Variants in GRID2 observed in about 807,000 individuals in gnomAD.
GRID2 encodes the protein glutamate ionotropic receptor delta type subunit 2, also known as glutamate receptor ionotropic, delta-2.
Under a neutral mutation model 114.8 loss-of-function variants are expected in GRID2, and 33 were observed. That is an observed-to-expected ratio of 0.29 (90% confidence interval 0.22 to 0.38). GRID2 has a LOEUF of 0.38. Among genes scored for constraint, GRID2 ranks in the 10% least tolerant of loss-of-function variants. The pLI, the probability that GRID2 is intolerant of heterozygous loss-of-function variation, is 1.00. For synonymous variants in GRID2, 505 were observed against 449.9 expected (o/e 1.12, Z -1.55); for missense variants, 1,184 against 1,257.7 (o/e 0.94, Z 0.89).
intron 2 of GRID2, among the ~76,000 whole-genome samples, chr4:92,919,178 C>A (rs1028429528): frequency 2.6e-5 from 4 of 152,070 alleles, no homozygotes; most frequent in Non-Finnish European, 5.9e-5. Context: ...GTTTGTATTT[C>A]TTTGGGATCA....
intron 8 of GRID2, among the ~76,000 whole-genome samples, chr4:93,306,636 A>C (rs2149177968): frequency 6.6e-6 from 1 of 152,302 alleles, no homozygotes; most frequent in Non-Finnish European, 1.5e-5. Context: ...TTTTAAAAAT[A>C]GCTGTTCCAC....
intron 8 of GRID2, among the ~76,000 whole-genome samples, chr4:93,387,789 C>T (rs1764469246): frequency 6.8e-6 from 1 of 147,722 alleles, no homozygotes; most frequent in African/African-American, 2.5e-5. Flanking sequence ...GAGATAATGC[C>T]ACTGCACTCC....
At chr4:93,290,495 T>C (rs1030070510) in intron 8 of GRID2, among the ~76,000 whole-genome samples, 1 of 152,216 alleles carries the variant, frequency 6.6e-6, no homozygotes, top group African/African-American at 2.4e-5. Context: ...CATCAAGTGA[T>C]TTATTTTTCA....
At chr4:92,716,303 T>C (rs1442970275) in intron 2 of GRID2, among the ~76,000 whole-genome samples, 1 of 152,196 alleles carries the variant, frequency 6.6e-6, no homozygotes, top group Non-Finnish European at 1.5e-5. Flanking sequence ...GCCAATTTCC[T>C]CAGTGAAAAG....
chr4:93,660,849 G>A (rs189845766), intron 14 of GRID2, among the ~76,000 whole-genome samples: 2 of 152,206 alleles, frequency 1.3e-5, no homozygotes, highest in African/African-American at 4.8e-5. Context: ...GACAGGCCCA[G>A]ATGGATCCTG....
At chr4:92,369,311 A>G (rs1416951353) in intron 1 of GRID2, among the ~76,000 whole-genome samples, 2 of 152,156 alleles carry the variant, frequency 1.3e-5, no homozygotes, top group East Asian at 1.9e-4. Flanking sequence ...TCCTAACTTT[A>G]ATAAAGTGTT....
At chr4:93,291,470 A>G (rs1753751870) in intron 8 of GRID2, among the ~76,000 whole-genome samples, 1 of 152,222 alleles carries the variant, frequency 6.6e-6, no homozygotes, top group East Asian at 1.9e-4. Flanking sequence ...TGTCTGACGT[A>G]TAGTAAACAC....
chr4:92,702,568 C>A (rs890961221), intron 2 of GRID2: 2 of 152,076 alleles, frequency 1.3e-5, no homozygotes, highest in African/African-American at 4.8e-5. Context: ...ATTGCTCCAA[C>A]CCTAGCCCTT....
intron 2 of GRID2, among the ~76,000 whole-genome samples, chr4:92,660,410 G>A (rs1424988827): frequency 1.3e-5 from 2 of 151,190 alleles, no homozygotes; most frequent in African/African-American, 4.8e-5. Flanking sequence ...CTAAGAGAAG[G>A]TTCAAGTTTG....
Position 92,958,794 on chromosome 4 carries a change from G to A in GRID2, c.245-126201G>A, listed in dbSNP as rs184931558. 1.0e-3 allele frequency among the ~76,000 whole-genome samples: 152 copies of A among 152,062 alleles called. 1 individual carries two copies. The highest frequency in any genetic ancestry group is 1.4e-3 in the Admixed American group (22 of 15,260). On this transcript the variant is annotated intron_variant, in intron 2 of 15. Coordinates refer to ENST00000282020, the MANE Select transcript of GRID2 (RefSeq NM_001510.4). ...GTAGAATTCATGAGTGAACCCATCT[G>A]GGCCTTGTACTTTCTGTTTGGAAAG... is the stretch of plus-strand genomic sequence containing the variant.
chr4:92,427,935 T>C (rs140569484), intron 1 of GRID2, among the ~76,000 whole-genome samples: 156 of 152,294 alleles, frequency 1.0e-3, no homozygotes, highest in African/African-American at 3.7e-3. Context: ...ATTAGAATTA[T>C]TTTGTTTTCA....
chr4:93,312,327 G>A (rs941992631), intron 8 of GRID2, among the ~76,000 whole-genome samples: 31 of 152,102 alleles, frequency 2.0e-4, no homozygotes, highest in African/African-American at 5.8e-4. Flanking sequence ...GAAGAGTTAC[G>A]CTGCCTTCTA....
intron 2 of GRID2, among the ~76,000 whole-genome samples, chr4:92,882,705 A>G (rs1467435804): frequency 6.6e-6 from 1 of 152,208 alleles, no homozygotes; most frequent in Non-Finnish European, 1.5e-5. Context: ...ACAAGTCACA[A>G]AGATGTTTGG....
At chr4:92,410,732 G>A (rs1731256262) in intron 1 of GRID2, among the ~76,000 whole-genome samples, 1 of 151,976 alleles carries the variant, frequency 6.6e-6, no homozygotes, top group Non-Finnish European at 1.5e-5. Flanking sequence ...TGAAACTCTT[G>A]GGGGCAGATA....
intron 13 of GRID2, among the ~76,000 whole-genome samples, chr4:93,577,551 G>C (rs1302208236): frequency 6.6e-6 from 1 of 152,176 alleles, no homozygotes; most frequent in African/African-American, 2.4e-5. Context: ...GTAAATGTTT[G>C]CCAATTTTTT....
chr4:92,805,625 T>TA (rs1255094183), intron 2 of GRID2, among the ~76,000 whole-genome samples: 1 of 151,972 alleles, frequency 6.6e-6, no homozygotes, highest in Non-Finnish European at 1.5e-5. Flanking sequence ...AAAATCCTAT[T>TA]ATACGGTGTT....
intron 12 of GRID2, among the ~76,000 whole-genome samples, chr4:93,509,842 A>G (rs988795000): frequency 2.0e-5 from 3 of 152,122 alleles, no homozygotes; most frequent in African/African-American, 4.8e-5. Flanking sequence ...TAAATGCTAC[A>G]TTTTGGATCA....
intron 14 of GRID2, among the ~76,000 whole-genome samples, chr4:93,629,978 T>C (rs1219405482): frequency 6.6e-6 from 1 of 152,178 alleles, no homozygotes; most frequent in African/African-American, 2.4e-5. Context: ...AGTCTGCACC[T>C]GGACAAGCAT....
At chr4:93,133,076 G>A (rs1309066764) in intron 4 of GRID2, among the ~76,000 whole-genome samples, 2 of 151,988 alleles carry the variant, frequency 1.3e-5, no homozygotes, top group Non-Finnish European at 2.9e-5. Flanking sequence ...ATTTATTTTC[G>A]AGAAGGAAAT....
Sources: allele counts gnomAD v4.1 joint callset (sites outside exome capture counted in the v4.1 genomes callset), GRCh38; gene constraint gnomAD v4.1.1; transcripts MANE v1.5; gene names NCBI Gene and HGNC (gene_info 2026-07-23, HGNC 2026-07-21).